TUSC3: variants seen among roughly 807,000 people sequenced by gnomAD.
The protein encoded by TUSC3 is dolichyl-diphosphooligosaccharide--protein glycosyltransferase subunit TUSC3.
A neutral mutation model predicts 44.8 loss-of-function variants in TUSC3; 45 were observed. The ratio of observed to expected loss-of-function variants is 1.00; its 90% CI spans 0.79 to 1.29. TUSC3 has a LOEUF of 1.29. Ranked by LOEUF, TUSC3 falls within the 50% of genes most tolerant of loss-of-function variation. The pLI is 0.00. For synonymous variants in TUSC3, 212 were observed against 152.9 expected, an observed-to-expected ratio of 1.39 and a Z score of -2.85; for missense variants, 519 against 437.9, an observed-to-expected ratio of 1.19 and a Z score of -1.65.
chr8:15,421,520 C>G (rs1241937632), intron 1 of TUSC3, among the ~76,000 whole-genome samples: 2 of 152,122 alleles, frequency 1.3e-5, no homozygotes, highest in Non-Finnish European at 2.9e-5. Flanking sequence ...CCCCTTTGCC[C>G]CATTCTACCT....
intron 1 of TUSC3, among the ~76,000 whole-genome samples, chr8:15,565,662 A>G (rs553791281): frequency 2.0e-5 from 3 of 152,102 alleles, no homozygotes; most frequent in African/African-American, 7.2e-5. Flanking sequence ...TTTAAGCTTC[A>G]TCTGATTCTC....
chr8:15,474,175 C>A (rs1485805531), intron 1 of TUSC3, among the ~76,000 whole-genome samples: 1 of 152,192 alleles, frequency 6.6e-6, no homozygotes, highest in African/African-American at 2.4e-5. Context: ...TTTTGCCCGA[C>A]CTCACAGGCA....
the TUSC3 span, among the ~76,000 whole-genome samples, chr8:15,832,399 C>T: frequency 2.0e-5 from 3 of 152,140 alleles, no homozygotes; most frequent in Admixed American, 1.3e-4. Context: ...AACCAGCTAA[C>T]ATCATGATGA....
At chr8:15,741,885 C>G (rs2129213640) in intron 7 of TUSC3, among the ~76,000 whole-genome samples, 1 of 152,196 alleles carries the variant, frequency 6.6e-6, no homozygotes, top group Non-Finnish European at 1.5e-5. Context: ...TCTATCTGCT[C>G]TAGAAAACTG....
At chr8:15,778,105 A>G in the TUSC3 span, among the ~76,000 whole-genome samples, 1 of 141,664 alleles carries the variant, frequency 7.1e-6, no homozygotes, top group Non-Finnish European at 1.6e-5. Flanking sequence ...AAGGCAAAAA[A>G]AAAAAACAAA....
chr8:15,459,462 T>G (rs945830494), intron 1 of TUSC3, among the ~76,000 whole-genome samples: 1 of 152,130 alleles, frequency 6.6e-6, no homozygotes, highest in Non-Finnish European at 1.5e-5. Context: ...CCTGCTTTAT[T>G]TGATAATATT....
chr8:15,830,854 T>A, the TUSC3 span, among the ~76,000 whole-genome samples: 1 of 152,172 alleles, frequency 6.6e-6, no homozygotes, highest in Non-Finnish European at 1.5e-5. Context: ...ACCTCACCAT[T>A]AGGCAATATA....
In TUSC3 at chr8:15,567,362, C is replaced by G. The variant is rs150515635; in HGVS notation, c.138+26794C>G. 3.7e-4 allele frequency among the ~76,000 whole-genome samples: 56 copies of G among 152,200 alleles called. No homozygotes were observed. In the East Asian group the frequency reaches 8.3e-3, roughly 23 times the overall value. ...TTGGTTCTAGCACAGTAGTTTAAAA[C>G]GTTTTCTCATCAAATATTAGCATAA... On this transcript the variant is annotated intron_variant, in intron 1 of 10. Transcript: ENST00000503731.
At chr8:15,539,612 A>G (rs1180187057), upstream of TUSC3, among the ~76,000 whole-genome samples, 1 of 152,050 alleles carries the variant, frequency 6.6e-6, no homozygotes, top group African/African-American at 2.4e-5. Context: ...TCAGCCTCCC[A>G]AAGTGCTGGG....
At chr8:15,539,113 C>T (rs1801584313), upstream of TUSC3, among the ~76,000 whole-genome samples, 1 of 151,924 alleles carries the variant, frequency 6.6e-6, no homozygotes, top group Non-Finnish European at 1.5e-5. Context: ...TCTCCCAAAG[C>T]ATTGGGTTTA....
At chr8:15,484,724 A>T (rs1374672234) in intron 2 of TUSC3, among the ~76,000 whole-genome samples, 3 of 152,204 alleles carry the variant, frequency 2.0e-5, no homozygotes, top group Non-Finnish European at 2.9e-5. Flanking sequence ...CAGAAAACTG[A>T]ATTTAAGCTG....
the TUSC3 span, among the ~76,000 whole-genome samples, chr8:15,790,147 A>G: frequency 6.7e-6 from 1 of 149,304 alleles, no homozygotes; most frequent in Non-Finnish European, 1.5e-5. Flanking sequence ...GCCATGAATA[A>G]GGAGTGGTAA....
At chr8:15,616,992 A>G (rs1313713567) in intron 1 of TUSC3, among the ~76,000 whole-genome samples, 2 of 152,188 alleles carry the variant, frequency 1.3e-5, no homozygotes, top group African/African-American at 2.4e-5. Flanking sequence ...TGCTGGCCAC[A>G]GAGATTTCCG....
rs1011478602 is a variant in TUSC3 at position 15,748,422 on chromosome 8, C to T, written c.985C>T (p.Leu329=). The T allele has an allele frequency of 1.9e-5, 30 of 1,613,284 alleles. No homozygotes were observed. Among genetic ancestry groups the T allele is most frequent in the African/African-American group, 2.7e-5 (2 of 74,868 alleles). The change falls in exon 9 of 11, where the codon CTA becomes TTA. Residue 329 remains leucine (L), a synonymous_variant. Coordinates refer to ENST00000503731, the MANE Select transcript of TUSC3 (RefSeq NM_006765.4). ...CCTGGTGGTCTTCTTCTTCAGTTTTCTACTTTCAATATTTCGTTCCAAGTA... is the reference window on the plus strand; with the variant it reads ...CCTGGTGGTCTTCTTCTTCAGTTTTTTACTTTCAATATTTCGTTCCAAGTA... ...LGLVVFFFSF[L]LSIFRSKYHG...
intron 1 of TUSC3, among the ~76,000 whole-genome samples, chr8:15,620,626 G>A (rs1805201969): frequency 6.6e-6 from 1 of 152,116 alleles, no homozygotes; most frequent in Non-Finnish European, 1.5e-5. Context: ...ATGCATTCTT[G>A]TGTTTTGCTT....
chr8:15,688,976 C>T, intron 6 of TUSC3: 1 of 242,018 alleles, frequency 4.1e-6, no homozygotes, highest in South Asian at 5.2e-5. Flanking sequence ...ACCTCTTTGC[C>T]CTGCTTGCTG....
At chr8:15,523,706 G>GTATATATATA (rs1554509643) in intron 2 of TUSC3, among the ~76,000 whole-genome samples, 1 of 112,854 alleles carries the variant, frequency 8.9e-6, no homozygotes, top group African/African-American at 4.0e-5. Context: ...GTGTGTGTGT[G>GTATATATATA]TGTATATATA....
chr8:15,828,229 C>T, the TUSC3 span, among the ~76,000 whole-genome samples: 1 of 152,112 alleles, frequency 6.6e-6, no homozygotes, highest in Admixed American at 6.6e-5. Flanking sequence ...TCCCCACCTC[C>T]TGTGATCCAC....
At chr8:15,741,929 C>A (rs1017903605) in intron 7 of TUSC3, among the ~76,000 whole-genome samples, 2 of 152,110 alleles carry the variant, frequency 1.3e-5, no homozygotes, top group African/African-American at 4.8e-5. Flanking sequence ...TACATATGAA[C>A]AGTTTTAGTG....
Sources: gnomAD v4.1 joint callset for allele counts (sites outside exome capture counted in the v4.1 genomes callset) on GRCh38, gnomAD v4.1.1 for gene constraint, MANE v1.5 for transcripts, NCBI Gene and HGNC (gene_info 2026-07-23, HGNC 2026-07-21) for gene names.